Variants in PTPN3 observed in about 807,000 individuals in gnomAD.
The protein encoded by PTPN3 is protein tyrosine phosphatase non-receptor type 3, also known as tyrosine-protein phosphatase non-receptor type 3.
In PTPN3, 96 loss-of-function variants were observed where a neutral mutation model predicts 132.7. The ratio of observed to expected loss-of-function variants is 0.72; its 90% CI spans 0.61 to 0.86. The LOEUF (loss-of-function observed/expected upper bound fraction) is 0.86. PTPN3 is among the 40% of genes least tolerant of loss of function. PTPN3 has a pLI of 0.00. For missense variants in PTPN3, 1,125 were observed against 1,159.6 expected, an observed-to-expected ratio of 0.97 and a Z score of 0.43; for synonymous variants, 398 against 429.0, an observed-to-expected ratio of 0.93 and a Z score of 0.89.
At chr9:109,451,407 G>A in intron 5 of PTPN3, 1 of 954,394 alleles carries the variant, frequency 1.0e-6, no homozygotes, top group Non-Finnish European at 1.2e-6. Context: ...GTGGGGGTGG[G>A]GTGTCAGTTG....
At chr9:109,393,495 TC>T (rs1840308750) in intron 19 of PTPN3, among the ~76,000 whole-genome samples, 1 of 151,050 alleles carries the variant, frequency 6.6e-6, no homozygotes, top group Non-Finnish European at 1.5e-5. Context: ...CAAGCGATTC[TC>T]CTGCCTCAGC....
chr9:109,475,119 G>A (rs1003128693), intron 1 of PTPN3, among the ~76,000 whole-genome samples: 32 of 152,146 alleles, frequency 2.1e-4, no homozygotes, highest in Admixed American at 1.5e-3. Flanking sequence ...TGCCCTGTAA[G>A]AGAGTGAGCT....
At chr9:109,459,732 T>C (rs1254593661) in intron 2 of PTPN3, among the ~76,000 whole-genome samples, 1 of 152,130 alleles carries the variant, frequency 6.6e-6, no homozygotes, top group African/African-American at 2.4e-5. Flanking sequence ...AGGCTTGATA[T>C]GATGCTCACT....
chr9:109,525,234 T>C, the PTPN3 span, among the ~76,000 whole-genome samples: 1 of 152,008 alleles, frequency 6.6e-6, no homozygotes, highest in Non-Finnish European at 1.5e-5. Context: ...AAAAAAAATG[T>C]TTTTGTAGAA....
chr9:109,516,321 A>G, the PTPN3 span, among the ~76,000 whole-genome samples: 1 of 152,224 alleles, frequency 6.6e-6, no homozygotes, highest in East Asian at 1.9e-4. Flanking sequence ...AGGTGGTGAG[A>G]TAAAAATTAA....
chr9:109,478,866 A>G (rs1029842104), intron 1 of PTPN3, among the ~76,000 whole-genome samples: 1 of 152,174 alleles, frequency 6.6e-6, no homozygotes, highest in Non-Finnish European at 1.5e-5. Flanking sequence ...TGAGGTTACC[A>G]CATGTGTTTC....
chr9:109,438,780 A>G (rs1844240082), intron 7 of PTPN3, among the ~76,000 whole-genome samples: 1 of 152,208 alleles, frequency 6.6e-6, no homozygotes, highest in Admixed American at 6.5e-5. Flanking sequence ...GTGTGGAAGA[A>G]AGGGGACCAG....
Position 109,463,388 on chromosome 9 carries a change from C to T in PTPN3, c.47G>A (p.Arg16His), listed in dbSNP as rs540108445. The change falls in exon 2 of 26, where the codon CGC (arginine) becomes CAC (histidine). Residue 16 changes from arginine (R) to histidine (H), a missense_variant. By Grantham distance (29) the Arg-to-His change is conservative. Coordinates refer to ENST00000374541, the MANE Select transcript of PTPN3 (RefSeq NM_002829.4). ...TTTCTCTTTGGGTAACTCCGAGGTG[C>T]GTATATTATTAATTCTTCCACCCAA... Reference protein sequence around the residue: ...RALGGRINNIRTSELPKEKTR... With the variant: ...RALGGRINNIHTSELPKEKTR... 61 of 1,612,854 alleles carry T rather than the reference C, an allele frequency of 3.8e-5. No individual in the cohort carries two copies. The highest frequency in any genetic ancestry group is 3.5e-4 in the South Asian group (32 of 90,652).
intron 20 of PTPN3, 59 bp from the exon 21 acceptor site, chr9:109,391,258 A>G: frequency 2.0e-6 from 3 of 1,520,572 alleles, no homozygotes; most frequent in Non-Finnish European, 2.7e-6. Context: ...CATACCAAGT[A>G]AACCAGAGTT....
At chr9:109,442,910 C>T (rs1844595215) in intron 7 of PTPN3, among the ~76,000 whole-genome samples, 1 of 151,916 alleles carries the variant, frequency 6.6e-6, no homozygotes, top group African/African-American at 2.4e-5. Flanking sequence ...AGGGATGGTC[C>T]AACAATAAAG....
intron 1 of PTPN3, among the ~76,000 whole-genome samples, chr9:109,465,920 C>T (rs1846081551): frequency 6.6e-6 from 1 of 152,000 alleles, no homozygotes; most frequent in Admixed American, 6.6e-5. Flanking sequence ...GCTTGCAAAG[C>T]TCTTTCTGCT....
intron 17 of PTPN3, among the ~76,000 whole-genome samples, chr9:109,407,965 G>A (rs562388303): frequency 2.0e-5 from 3 of 152,352 alleles, no homozygotes; most frequent in South Asian, 4.1e-4. Context: ...CAGGGCCCAC[G>A]TGCCCACTTA....
At position 109,389,430 on chromosome 9, in the gene PTPN3, C is replaced by G. The variant is rs754118636; in HGVS notation, c.2107-51G>C. The G allele has an allele frequency of 1.9e-6, 3 of 1,555,408 alleles. No homozygotes were observed. In the South Asian group the frequency reaches 3.6e-5, roughly 19 times the overall value. On this transcript the variant is annotated intron_variant, in intron 21 of 25. Coordinates refer to ENST00000374541, the MANE Select transcript of PTPN3 (RefSeq NM_002829.4). ...GAATCTGTTGCTGCCCCAGGGTGCA[C>G]AGGGAACTGGATTTTAAACTATTCT...
At chr9:109,524,938 G>A in the PTPN3 span, among the ~76,000 whole-genome samples, 63 of 152,218 alleles carry the variant, frequency 4.1e-4, no homozygotes, top group Admixed American at 2.6e-3. Context: ...GGGTTTTGCC[G>A]TGTTGTCCAG....
intron 8 of PTPN3, 115 bp from the exon 9 acceptor site, chr9:109,437,085 T>C: frequency 6.8e-7 from 1 of 1,477,246 alleles, no homozygotes; most frequent in Non-Finnish European, 9.0e-7. Context: ...AAATGCCTTA[T>C]GTTATCAATC....
chr9:109,534,252 C>T, the PTPN3 span: 1 of 1,507,922 alleles, frequency 6.6e-7, no homozygotes, highest in South Asian at 1.1e-5. Flanking sequence ...TAGTGCCGGG[C>T]GTGGTGTCAC....
In PTPN3 at chr9:109,428,603, A is replaced by T. The variant is rs1257185535; in HGVS notation, c.828+18T>A. 1 of 1,611,442 alleles carries T rather than the reference A, an allele frequency of 6.2e-7. No individual in the cohort carries two copies. Among genetic ancestry groups the T allele is most frequent in the Non-Finnish European group, 8.5e-7 (1 of 1,177,956 alleles). ...TACATATGCACGAAACAAAGCAAGC[A>T]AAGACATAACTACTCACCTGTTTCT... On this transcript the variant is annotated intron_variant, in intron 11 of 25. Coordinates refer to ENST00000374541, the MANE Select transcript of PTPN3 (RefSeq NM_002829.4).
chr9:109,452,187 G>C (rs1195097712), intron 5 of PTPN3, among the ~76,000 whole-genome samples: 2 of 144,510 alleles, frequency 1.4e-5, no homozygotes, highest in Middle Eastern at 3.7e-3. Context: ...AGAATCGCTT[G>C]AACCCGGGAG....
At chr9:109,508,759 C>T in the PTPN3 span, among the ~76,000 whole-genome samples, 6 of 152,118 alleles carry the variant, frequency 3.9e-5, no homozygotes, top group African/African-American at 1.2e-4. Flanking sequence ...AAGATGTGTC[C>T]AGCAGTGTCC....
Sources: gnomAD v4.1 joint callset for allele counts (sites outside exome capture counted in the v4.1 genomes callset) on GRCh38, gnomAD v4.1.1 for gene constraint, MANE v1.5 for transcripts, NCBI Gene and HGNC (gene_info 2026-07-23, HGNC 2026-07-21) for gene names.